The following PDE10A variants were observed in gnomAD, a reference collection of about 807,000 sequenced individuals.
PDE10A encodes the protein phosphodiesterase 10A.
Under a neutral mutation model 97.7 loss-of-function variants are expected in PDE10A, and 39 were observed. That is an observed-to-expected ratio of 0.40 (90% CI 0.31 to 0.52). The LOEUF is 0.52. PDE10A is among the 20% of genes least tolerant of loss of function. The pLI is 0.56. For synonymous variants in PDE10A, 371 were observed against 376.8 expected (o/e 0.98, Z 0.18); for missense variants, 731 against 1,047.8 (o/e 0.70, Z 4.17).
intron 1 of PDE10A, among the ~76,000 whole-genome samples, chr6:165,645,313 T>C (rs983357189): frequency 6.6e-6 from 1 of 152,128 alleles, no homozygotes; most frequent in African/African-American, 2.4e-5. Context: ...CCCTGACCCC[T>C]TGCTTCACTC....
At chr6:165,879,724 C>A (rs1419559910) in intron 1 of PDE10A, among the ~76,000 whole-genome samples, 1 of 152,164 alleles carries the variant, frequency 6.6e-6, no homozygotes, top group East Asian at 1.9e-4. Context: ...CTTCTAATAC[C>A]TAATGTAAAT....
chr6:165,559,137 T>G (rs4709950), intron 1 of PDE10A, among the ~76,000 whole-genome samples: 66,623 of 152,104 alleles, frequency 0.44, 18,020 homozygotes, highest in African/African-American at 0.77. Context: ...ACCAGGCAGT[T>G]ATGCTAGAAC....
At chr6:165,626,591 C>T (rs1033700) in intron 1 of PDE10A, among the ~76,000 whole-genome samples, 130,068 of 152,276 alleles carry the variant, frequency 0.85, 55,612 homozygotes, top group East Asian at 0.89. Context: ...CAATCTTTCA[C>T]AGCTTACCTA....
At chr6:165,732,714 A>G (rs999771382) in intron 1 of PDE10A, among the ~76,000 whole-genome samples, 6 of 152,226 alleles carry the variant, frequency 3.9e-5, no homozygotes, top group Non-Finnish European at 7.3e-5. Flanking sequence ...GTTATTCCCT[A>G]TCTGGTCCCA....
intron 1 of PDE10A, among the ~76,000 whole-genome samples, chr6:165,974,184 T>C (rs532587831): frequency 6.6e-6 from 1 of 152,226 alleles, no homozygotes; most frequent in Non-Finnish European, 1.5e-5. Context: ...CATCCATACA[T>C]TTTTGACAAG....
At chr6:165,381,698 C>T (rs1244981840) in intron 17 of PDE10A, among the ~76,000 whole-genome samples, 2 of 142,720 alleles carry the variant, frequency 1.4e-5, no homozygotes, top group African/African-American at 2.6e-5. Flanking sequence ...GGCCAGGATG[C>T]TCTTCATCTC....
At chr6:165,352,466 C>T (rs13208416) in intron 18 of PDE10A, among the ~76,000 whole-genome samples, 1 of 151,982 alleles carries the variant, frequency 6.6e-6, no homozygotes, top group Non-Finnish European at 1.5e-5. Context: ...AAAAGATCAC[C>T]TAAGAAATAT....
chr6:165,503,766 A>C (rs747227440), intron 2 of PDE10A, among the ~76,000 whole-genome samples: 10 of 152,196 alleles, frequency 6.6e-5, no homozygotes, highest in Admixed American at 2.6e-4. Context: ...ATATTTACCT[A>C]AGACTAAGTA....
At chr6:165,896,578 A>G (rs371181003) in intron 1 of PDE10A, among the ~76,000 whole-genome samples, 74 of 139,632 alleles carry the variant, frequency 5.3e-4, no homozygotes, top group African/African-American at 1.8e-3. Flanking sequence ...AGGCTGGAGT[A>G]CAGTGGCGCA....
At chr6:165,746,986 A>G (rs1216849199) in intron 1 of PDE10A, among the ~76,000 whole-genome samples, 1 of 152,230 alleles carries the variant, frequency 6.6e-6, no homozygotes, top group Non-Finnish European at 1.5e-5. Flanking sequence ...AATAAATGTT[A>G]AATGCAAAAA....
chr6:165,626,431 C>T (rs1536699), intron 1 of PDE10A, among the ~76,000 whole-genome samples: 22,201 of 152,104 alleles, frequency 0.15, 3,355 homozygotes, highest in African/African-American at 0.39. Context: ...TTCCCAAATA[C>T]AACCATATAG....
intron 18 of PDE10A, among the ~76,000 whole-genome samples, chr6:165,347,170 C>G (rs184164845): frequency 6.6e-6 from 1 of 151,966 alleles, no homozygotes; most frequent in East Asian, 1.9e-4. Flanking sequence ...TAAATCATAT[C>G]TGTAATAACT....
intron 12 of PDE10A, among the ~76,000 whole-genome samples, 188 bp downstream of exon 12, chr6:165,416,001 T>C (rs746262549): frequency 3.3e-5 from 5 of 152,240 alleles, no homozygotes; most frequent in Non-Finnish European, 7.3e-5. Context: ...CATTAGTGGA[T>C]TAGAATCCAT....
rs556739821 is a variant in PDE10A at position 165,671,945 on chromosome 6, C to A, written c.-614-128377G>T. 6.6e-6 allele frequency among the ~76,000 whole-genome samples: 1 copy of A among 152,314 alleles called. No homozygotes were observed. The highest frequency in any genetic ancestry group is 2.1e-4 in the South Asian group (1 of 4,818). On this transcript the variant is annotated intron_variant, in intron 1 of 19. Coordinates refer to the PDE10A transcript ENST00000366882. This position sits in a 1 kb window ranked among gnomAD's most constrained non-coding sequence, Gnocchi z 4.6. ...GAAGTTATTAATATATGCCATGAAA[C>A]TCTATCCCATCTGTTTTCAGTCAAA...
chr6:165,910,917 C>T (rs1034394446), intron 1 of PDE10A: 2 of 152,112 alleles, frequency 1.3e-5, no homozygotes, highest in African/African-American at 4.8e-5. Flanking sequence ...TGGGACTGGT[C>T]AGCACTGGGA....
At chr6:165,931,828 G>A (rs1484019162) in intron 1 of PDE10A, among the ~76,000 whole-genome samples, 1 of 152,196 alleles carries the variant, frequency 6.6e-6, no homozygotes, top group Non-Finnish European at 1.5e-5. Context: ...GTGATCCAGT[G>A]TGTGGCGCCC....
intron 18 of PDE10A, among the ~76,000 whole-genome samples, chr6:165,359,376 G>A (rs1200863554): frequency 6.6e-6 from 1 of 152,102 alleles, no homozygotes; most frequent in Non-Finnish European, 1.5e-5. Flanking sequence ...ATGGACATAG[G>A]ATTTGGAACA....
At chr6:165,592,349 T>C (rs945292389) in intron 1 of PDE10A, among the ~76,000 whole-genome samples, 3 of 152,032 alleles carry the variant, frequency 2.0e-5, no homozygotes, top group African/African-American at 7.3e-5. Context: ...ATACAAACCC[T>C]AGAAGAAAAC....
In PDE10A at chr6:165,336,103, G is replaced by A; in HGVS notation, c.3065+20C>T. On this transcript the variant is annotated intron_variant, in intron 21 of 21. Coordinates refer to ENST00000539869, the MANE Select transcript of PDE10A (RefSeq NM_001385079.1). ...TGTTGTTGGAAACAATATTTTTACG[G>A]CTTGAACCATAGTACATACCTGCAT... 1 of 1,556,390 alleles carries A rather than the reference G, an allele frequency of 6.4e-7. No individual in the cohort carries two copies. Among genetic ancestry groups the A allele is most frequent in the Non-Finnish European group, 8.9e-7 (1 of 1,127,988 alleles).
Sources: allele counts gnomAD v4.1 joint callset (sites outside exome capture counted in the v4.1 genomes callset), GRCh38; gene constraint gnomAD v4.1.1; non-coding constraint Gnocchi (gnomAD v3.1); transcripts MANE v1.5; gene names NCBI Gene and HGNC (gene_info 2026-07-23, HGNC 2026-07-21).